GRXCR2: variants seen among roughly 807,000 people sequenced by gnomAD.
GRXCR2 encodes the protein glutaredoxin domain-containing cysteine-rich protein 2.
GRXCR2 carries 23 observed loss-of-function variants against 24.8 expected under a neutral mutation model. The observed-to-expected ratio is 0.93, with a 90% CI of 0.67 to 1.32. GRXCR2 has a LOEUF of 1.32. Among genes scored for constraint, GRXCR2 ranks in the 40% most tolerant of loss-of-function variants. The pLI, the probability that GRXCR2 is intolerant of heterozygous loss-of-function variation, is 0.00. For missense variants in GRXCR2, 315 were observed against 303.4 expected (o/e 1.04, Z -0.28); for synonymous variants, 130 against 116.1 (o/e 1.12, Z -0.77).
chr5:145,868,675 C>T (rs571589281), intron 1 of GRXCR2, among the ~76,000 whole-genome samples: 1 of 152,062 alleles, frequency 6.6e-6, no homozygotes. Context: ...TGATTTTTTT[C>T]AAGACAAAAC....
At chr5:145,889,797 C>T (rs1055592132) in intron 2 of GRXCR2, among the ~76,000 whole-genome samples, 8 of 152,096 alleles carry the variant, frequency 5.3e-5, no homozygotes, top group African/African-American at 1.9e-4. Flanking sequence ...AGATCCAAGA[C>T]AAGGTTGAAA....
chr5:145,890,026 G>T (rs1315025465), intron 2 of GRXCR2, among the ~76,000 whole-genome samples: 2 of 152,232 alleles, frequency 1.3e-5, no homozygotes, highest in Admixed American at 1.3e-4. Flanking sequence ...TAATTTCAGA[G>T]ATTAAAGACC....
In GRXCR2 at chr5:145,859,859, G is replaced by T. The variant is rs1399684393; in HGVS notation, c.621C>A (p.Thr207=). 6.2e-7 allele frequency: 1 copy of T among 1,611,676 alleles called. No homozygotes were observed. Among genetic ancestry groups the T allele is most frequent in the African/African-American group, 1.3e-5 (1 of 74,844 alleles). Residue 207 remains threonine, a synonymous_variant, in exon 3 of 3, where the codon ACC becomes ACA. Coordinates refer to ENST00000377976, the MANE Select transcript of GRXCR2 (RefSeq NM_001080516.2). Reference sequence around the variant, plus strand: ...ACTTGCTGCCGTGGCACAGAGAGCAGGTGGCACTGCCCGACCCTCGGCAGT... The same window carrying T: ...ACTTGCTGCCGTGGCACAGAGAGCATGTGGCACTGCCCGACCCTCGGCAGT... ...CFHCRGSGSA[T]CSLCHGSKFS...
At chr5:145,868,414 A>G (rs1756470631) in intron 1 of GRXCR2, among the ~76,000 whole-genome samples, 2 of 152,188 alleles carry the variant, frequency 1.3e-5, no homozygotes, top group Middle Eastern at 3.2e-3. Context: ...ACACCCATGG[A>G]GTTTTCAATA....
rs1202113396 is a variant in GRXCR2 at position 145,889,173 on chromosome 5, AAAGAAAGAAAG to A, written c.-69-22456_-69-22446del. Among the ~76,000 whole-genome samples the A allele has an allele frequency of 9.1e-4, 36 of 39,442 alleles. 1 individual carries two copies. Among genetic ancestry groups the A allele is most frequent in the African/African-American group, 3.4e-3 (32 of 9,428 alleles). 25.9% of individuals were successfully genotyped at this position (39,442 alleles called of 152,430 possible). A position where few individuals can be genotyped will look rare whatever the true frequency, so the allele number is the denominator to read the frequency against. Reference sequence around the variant, plus strand: ...GACAGACCGAGACTCTGTCTCAAAAAAAGAAAGAAAGAAAGAAAGAAAGAAAGAAAGAAAGA... The same window carrying A: ...GACAGACCGAGACTCTGTCTCAAAAAAAAGAAAGAAAGAAAGAAAGAAAGA... On this transcript the variant is annotated intron_variant, in intron 2 of 3. Transcript: ENST00000639411.
rs2569007 is a variant in GRXCR2 at position 145,866,186 on chromosome 5, A to T, written c.564+315T>A. Among the ~76,000 whole-genome samples, 94,300 of 150,822 alleles carry T rather than the reference A, an allele frequency of 0.63. 30,019 individuals are homozygous for T. The highest frequency in any genetic ancestry group is 0.73 in the East Asian group (3,755 of 5,158). ...AAAAAAGAAAATATAGGGCTGATATATTTTTCCACCTCTAGAACCAGCTGT... is the reference window on the plus strand; with the variant it reads ...AAAAAAGAAAATATAGGGCTGATATTTTTTTCCACCTCTAGAACCAGCTGT... On this transcript the variant is annotated intron_variant, in intron 2 of 2. Transcript: ENST00000377976.
At chr5:145,865,419 C>T (rs911719519) in intron 2 of GRXCR2, among the ~76,000 whole-genome samples, 5 of 152,214 alleles carry the variant, frequency 3.3e-5, no homozygotes, top group African/African-American at 1.2e-4. Flanking sequence ...TGCGTGCACA[C>T]TTCTAAGGGG....
chr5:145,879,335 A>T (rs1327752786), intron 2 of GRXCR2, among the ~76,000 whole-genome samples: 2 of 148,990 alleles, frequency 1.3e-5, no homozygotes, highest in African/African-American at 4.9e-5. Context: ...CTCAAAATAA[A>T]GGGATGGAGG....
chr5:145,898,062 C>T (rs1292883243), intron 2 of GRXCR2, among the ~76,000 whole-genome samples: 1 of 151,942 alleles, frequency 6.6e-6, no homozygotes, highest in African/African-American at 2.4e-5. Flanking sequence ...CTGATAGACA[C>T]TACTAGCTAG....
intron 2 of GRXCR2, among the ~76,000 whole-genome samples, chr5:145,896,355 A>T (rs1251180874): frequency 6.6e-6 from 1 of 152,044 alleles, no homozygotes; most frequent in Non-Finnish European, 1.5e-5. Context: ...AACCTACAGA[A>T]TGGGAGAAAA....
intron 2 of GRXCR2, among the ~76,000 whole-genome samples, chr5:145,926,715 T>C (rs1757402835): frequency 6.6e-6 from 1 of 152,196 alleles, no homozygotes; most frequent in South Asian, 2.1e-4. Flanking sequence ...ATGCAGGCTC[T>C]TTTTTGGTTC....
At chr5:145,902,043 C>G (rs1444060036) in intron 2 of GRXCR2, among the ~76,000 whole-genome samples, 1 of 152,128 alleles carries the variant, frequency 6.6e-6, no homozygotes, top group Non-Finnish European at 1.5e-5. Flanking sequence ...TTTGTCCTAA[C>G]AGTGGAAAGC....
chr5:145,876,183 G>GTA (rs1439970305), upstream of GRXCR2, among the ~76,000 whole-genome samples: 3 of 87,688 alleles, frequency 3.4e-5, no homozygotes, highest in African/African-American at 2.1e-4. Context: ...AATTGTATGT[G>GTA]TGTGTGTGTA....
At chr5:145,920,011 G>T (rs973416709) in intron 2 of GRXCR2, among the ~76,000 whole-genome samples, 1 of 152,140 alleles carries the variant, frequency 6.6e-6, no homozygotes, top group African/African-American at 2.4e-5. Flanking sequence ...GGGTCACTTG[G>T]ATGTGCGGCA....
chr5:145,881,675 A>G (rs1019428746), intron 2 of GRXCR2, among the ~76,000 whole-genome samples: 2 of 152,234 alleles, frequency 1.3e-5, no homozygotes, highest in Non-Finnish European at 2.9e-5. Flanking sequence ...ACTACTTTAA[A>G]GTTCATATGG....
chr5:145,891,493 G>A (rs902338152), intron 2 of GRXCR2, among the ~76,000 whole-genome samples: 1 of 152,206 alleles, frequency 6.6e-6, no homozygotes, highest in African/African-American at 2.4e-5. Flanking sequence ...TATATCCTGT[G>A]CCTGGCTCGG....
chr5:145,876,326 G>A (rs1756618627), upstream of GRXCR2, among the ~76,000 whole-genome samples: 1 of 149,034 alleles, frequency 6.7e-6, no homozygotes, highest in Non-Finnish European at 1.5e-5. Context: ...GCCCAGGTTG[G>A]AGTGCAGGGG....
At position 145,871,002 on chromosome 5, in the gene GRXCR2, T is replaced by C. The variant is rs375048605; in HGVS notation, c.336+1631A>G. On this transcript the variant is annotated intron_variant, in intron 1 of 2. Coordinates refer to ENST00000377976, the MANE Select transcript of GRXCR2 (RefSeq NM_001080516.2). ...AGGAGGATCCCTTGAGCCCAGGAGT[T>C]TGAGATTGCTGTGAGTTATGATCAT... 4.6e-5 allele frequency among the ~76,000 whole-genome samples: 7 copies of C among 152,172 alleles called. No homozygotes were observed. In the East Asian group the frequency reaches 9.7e-4, roughly 21 times the overall value.
chr5:145,860,078 A>G (rs975757851), intron 2 of GRXCR2, among the ~76,000 whole-genome samples, 163 bp from the exon 3 acceptor site: 17 of 152,212 alleles, frequency 1.1e-4, no homozygotes, highest in Admixed American at 3.3e-4. Flanking sequence ...GAATAGTTAC[A>G]GCAATTTTAT....
Sources: allele counts gnomAD v4.1 joint callset (sites outside exome capture counted in the v4.1 genomes callset), GRCh38; gene constraint gnomAD v4.1.1; transcripts MANE v1.5; gene names NCBI Gene and HGNC (gene_info 2026-07-23, HGNC 2026-07-21).